Variants in GRK5 observed in about 807,000 individuals in gnomAD.
GRK5 encodes G protein-coupled receptor kinase 5, also known as g protein-coupled receptor kinase GRK5.
In GRK5, 40 loss-of-function variants were observed where a neutral mutation model predicts 78.4. The observed-to-expected ratio is 0.51, with a 90% confidence interval of 0.40 to 0.66. The LOEUF is 0.66. Ranked by LOEUF, GRK5 falls within the 30% of genes least tolerant of loss-of-function variation. GRK5 has a pLI of 0.00. For missense variants in GRK5, 598 were observed against 759.9 expected, an observed-to-expected ratio of 0.79 and a Z score of 2.50; for synonymous variants, 289 against 296.8, an observed-to-expected ratio of 0.97 and a Z score of 0.27.
At chr10:119,288,863 G>A (rs1849903821) in intron 1 of GRK5, among the ~76,000 whole-genome samples, 1 of 152,212 alleles carries the variant, frequency 6.6e-6, no homozygotes, top group African/African-American at 2.4e-5. Context: ...CATGGTGTCT[G>A]AGCTACTAAC....
intron 1 of GRK5, among the ~76,000 whole-genome samples, chr10:119,268,875 C>T (rs7076992): frequency 0.51 from 76,767 of 151,912 alleles, 19,731 homozygotes; most frequent in East Asian, 0.75. Context: ...CATCATCCAC[C>T]ACGGCCCAGG....
Position 119,394,115 on chromosome 10 carries a change from G to GT in GRK5, c.262-2580_262-2579insT, listed in dbSNP as rs1564916605. ...TGTGTGTGTCTGCGTCTGTGTGGGG[G>GT]GTGTGTGTGTGTGTGTGGGTATCTG... On this transcript the variant is annotated intron_variant, in intron 3 of 15. Transcript: ENST00000392870. Among the ~76,000 whole-genome samples, 43 of 132,760 alleles carry GT rather than the reference G, an allele frequency of 3.2e-4. No individual in the cohort carries two copies. In the East Asian group the frequency reaches 5.8e-3, roughly 18 times the overall value. The allele number at this position is 132,760 out of a possible 152,430, so 87.1% of individuals were successfully genotyped here.
At chr10:119,423,074 G>A (rs1044472101) in intron 4 of GRK5, 92 bp from the exon 5 acceptor site, 19 of 798,696 alleles carry the variant, frequency 2.4e-5, no homozygotes, top group African/African-American at 1.9e-4. Flanking sequence ...CACCTGGAGC[G>A]TGGCTGGTTC....
chr10:119,288,544 G>C (rs191241171), intron 1 of GRK5, among the ~76,000 whole-genome samples: 1 of 152,188 alleles, frequency 6.6e-6, no homozygotes, highest in African/African-American at 2.4e-5. Context: ...GGACCATCCC[G>C]TGTCTGTGAC....
At chr10:119,300,509 A>G (rs1426159310) in intron 1 of GRK5, among the ~76,000 whole-genome samples, 3 of 152,200 alleles carry the variant, frequency 2.0e-5, no homozygotes, top group Non-Finnish European at 4.4e-5. Context: ...AAAGACATCA[A>G]TGTGCCATTG....
intron 4 of GRK5, among the ~76,000 whole-genome samples, chr10:119,413,509 C>T (rs1852384527): frequency 6.6e-6 from 1 of 151,966 alleles, no homozygotes; most frequent in Admixed American, 6.6e-5. Flanking sequence ...GGAGAGATTG[C>T]AGGGTTTGGA....
intron 15 of GRK5, among the ~76,000 whole-genome samples, chr10:119,454,534 C>CCGGCCCT (rs1490134914): frequency 6.6e-6 from 1 of 152,242 alleles, no homozygotes; most frequent in Admixed American, 6.5e-5. Flanking sequence ...CTCTCCCAGG[C>CCGGCCCT]CGGCCCTCGC....
intron 1 of GRK5, among the ~76,000 whole-genome samples, chr10:119,292,541 T>C (rs1190554228): frequency 1.3e-5 from 2 of 152,190 alleles, no homozygotes; most frequent in East Asian, 1.9e-4. Context: ...ACATTTGAAA[T>C]TGCACACAAA....
chr10:119,239,316 C>G (rs1018271596), intron 1 of GRK5, among the ~76,000 whole-genome samples: 4 of 151,378 alleles, frequency 2.6e-5, no homozygotes, highest in African/African-American at 4.9e-5. Flanking sequence ...CTCACTGCAA[C>G]CTCCGCCTCC....
intron 2 of GRK5, among the ~76,000 whole-genome samples, chr10:119,372,830 A>T (rs1851566702): frequency 6.6e-6 from 1 of 152,238 alleles, no homozygotes; most frequent in South Asian, 2.1e-4. Context: ...AAAGACTCAG[A>T]TTGGTAAGGC....
intron 4 of GRK5, among the ~76,000 whole-genome samples, chr10:119,401,274 C>T (rs1242345712): frequency 2.6e-5 from 4 of 152,200 alleles, no homozygotes; most frequent in East Asian, 3.9e-4. Context: ...TCCCTCACCA[C>T]GGAGGACGCC....
At chr10:119,398,673 C>T (rs1018786403) in intron 4 of GRK5, among the ~76,000 whole-genome samples, 2 of 152,232 alleles carry the variant, frequency 1.3e-5, no homozygotes, top group African/African-American at 4.8e-5. Flanking sequence ...CTGTGGGATG[C>T]AGATTATATT....
chr10:119,344,877 CCTTCCT>C (rs1851054488), intron 2 of GRK5, among the ~76,000 whole-genome samples: 4 of 72,430 alleles, frequency 5.5e-5, no homozygotes, highest in African/African-American at 1.6e-4. Flanking sequence ...ACCCACCCTT[CCTTCCT>C]TCCTTCCTTC....
chr10:119,404,812 C>G (rs1852206544), intron 4 of GRK5, among the ~76,000 whole-genome samples: 2 of 152,334 alleles, frequency 1.3e-5, no homozygotes, highest in South Asian at 2.1e-4. Flanking sequence ...CCCTTCCATT[C>G]CTAGGACTGC....
At chr10:119,345,448 T>C (rs1851075565) in intron 2 of GRK5, among the ~76,000 whole-genome samples, 1 of 152,230 alleles carries the variant, frequency 6.6e-6, no homozygotes, top group Admixed American at 6.5e-5. Context: ...AACTTCAGAA[T>C]TCGCCCATGG....
At chr10:119,236,532 A>G (rs969953852) in intron 1 of GRK5, among the ~76,000 whole-genome samples, 6 of 152,140 alleles carry the variant, frequency 3.9e-5, no homozygotes, top group African/African-American at 1.4e-4. Context: ...CTATTTTAAA[A>G]ATCGGGAAAT....
At chr10:119,373,861 G>A (rs1851584580) in intron 2 of GRK5, among the ~76,000 whole-genome samples, 1 of 152,192 alleles carries the variant, frequency 6.6e-6, no homozygotes, top group African/African-American at 2.4e-5. Context: ...AAAGTGAAGT[G>A]CAATAATACG....
At chr10:119,208,430 T>C (rs1467912139) in intron 1 of GRK5, 1 of 162,988 alleles carries the variant, frequency 6.1e-6, no homozygotes, top group Admixed American at 6.5e-5. Context: ...TATAGACTAT[T>C]GCTGGAAACC....
rs1253860430 is a variant in GRK5 at position 119,412,556 on chromosome 10, G to A, written c.340-10610G>A. On this transcript the variant is annotated intron_variant, in intron 4 of 15. Transcript: ENST00000392870. The surrounding 1 kb of genome is among the most constrained non-coding windows in gnomAD (Gnocchi z 4.3). ...TCTTTCCTTTGGTCTGTTCTTGTCT[G>A]GGGCTTGTGGATCACGTCTCCTGCC... is the stretch of plus-strand genomic sequence containing the variant. 6.6e-6 allele frequency among the ~76,000 whole-genome samples: 1 copy of A among 152,200 alleles called. No individual in the cohort carries two copies. The highest frequency in any genetic ancestry group is 1.5e-5 in the Non-Finnish European group (1 of 68,038).
Sources: allele counts gnomAD v4.1 joint callset (sites outside exome capture counted in the v4.1 genomes callset), GRCh38; gene constraint gnomAD v4.1.1; non-coding constraint Gnocchi (gnomAD v3.1); transcripts MANE v1.5; gene names NCBI Gene and HGNC (gene_info 2026-07-23, HGNC 2026-07-21).